RORA: variants seen among roughly 807,000 people sequenced by gnomAD.
RORA encodes the protein nuclear receptor ROR-alpha.
In RORA, 7 loss-of-function variants were observed where a neutral mutation model predicts 69.5. The observed-to-expected ratio is 0.10, with a 90% CI of 0.06 to 0.19. RORA has a LOEUF of 0.19. RORA is among the 10% of genes least tolerant of loss of function. RORA has a pLI of 1.00. For synonymous variants in RORA, 261 were observed against 240.8 expected (o/e 1.08, Z -0.78); for missense variants, 457 against 663.0 (o/e 0.69, Z 3.41).
intron 1 of RORA, among the ~76,000 whole-genome samples, chr15:60,949,923 T>G (rs1183730074): frequency 6.6e-6 from 1 of 152,176 alleles, no homozygotes; most frequent in African/African-American, 2.4e-5. Flanking sequence ...GGCTAGAAAC[T>G]GAATCTTAAA....
At chr15:61,123,934 A>G (rs2079122988) in intron 1 of RORA, among the ~76,000 whole-genome samples, 1 of 152,180 alleles carries the variant, frequency 6.6e-6, no homozygotes, top group South Asian at 2.1e-4. Flanking sequence ...CACCGGAGCA[A>G]TTCACTTCAG....
intron 2 of RORA, among the ~76,000 whole-genome samples, chr15:60,584,891 C>G (rs903305656): frequency 1.3e-5 from 2 of 152,180 alleles, no homozygotes; most frequent in African/African-American, 4.8e-5. Flanking sequence ...CAAGTCTTCA[C>G]TTCTGAACCA....
At chr15:61,059,995 GAAGAAGAAGAAGAAGAAGAAGAAGAA>G (rs1566968794) in intron 1 of RORA, among the ~76,000 whole-genome samples, 3,548 of 108,532 alleles carry the variant, frequency 0.033, 111 homozygotes, top group East Asian at 0.14. Context: ...AGAGGAAGAA[GAAGAAGAAGAAGAAGAAGAAGAAGAA>G]GAAGAAGAAG....
chr15:60,585,289 A>G (rs1173120276), intron 2 of RORA, among the ~76,000 whole-genome samples: 1 of 152,224 alleles, frequency 6.6e-6, no homozygotes, highest in South Asian at 2.1e-4. Context: ...TGTATTATCT[A>G]TTTATCCTAA....
chr15:60,696,136 A>G (rs796606208), intron 1 of RORA, among the ~76,000 whole-genome samples: 21 of 152,328 alleles, frequency 1.4e-4, no homozygotes, highest in African/African-American at 4.6e-4. Context: ...CAACTTTTCT[A>G]TGAGCACTTT....
chr15:60,658,161 G>T (rs28550629), intron 2 of RORA, among the ~76,000 whole-genome samples: 23,005 of 151,560 alleles, frequency 0.15, 1,810 homozygotes, highest in East Asian at 0.22. Context: ...GATCACTGCA[G>T]CCTCTGCCTC....
chr15:60,585,942 T>C (rs2068322064), intron 2 of RORA, among the ~76,000 whole-genome samples: 1 of 152,206 alleles, frequency 6.6e-6, no homozygotes, highest in Non-Finnish European at 1.5e-5. Context: ...ACTGGCACCA[T>C]TATGGGTTTA....
chr15:61,017,372 T>C (rs1223266068), intron 1 of RORA, among the ~76,000 whole-genome samples: 1 of 152,236 alleles, frequency 6.6e-6, no homozygotes, highest in Non-Finnish European at 1.5e-5. Context: ...ATGTATGCAA[T>C]GTTATCTTTA....
At position 60,495,137 on chromosome 15, in the gene RORA, AC is replaced by A. The variant is rs2065135609; in HGVS notation, c.*2317del. 1 of 152,216 alleles carries A rather than the reference AC, an allele frequency of 6.6e-6. No individual in the cohort carries two copies. The highest frequency in any genetic ancestry group is 2.4e-5 in the African/African-American group (1 of 41,458). 9.4% of individuals were successfully genotyped at this position (152,216 alleles called of 1,614,324 possible). A position where few individuals can be genotyped will look rare whatever the true frequency, so the allele number is the denominator to read the frequency against. On this transcript the variant is annotated 3_prime_UTR_variant, in exon 11 of 11. Transcript: ENST00000335670. Reference sequence around the variant, plus strand: ...ACTAAAACACAAAACTCAAACAAAAACAAAACACCATTTCCCCCCAGAGGAG... The same window carrying A: ...ACTAAAACACAAAACTCAAACAAAAAAAAACACCATTTCCCCCCAGAGGAG...
At chr15:60,637,038 T>C (rs1051309393) in intron 2 of RORA, among the ~76,000 whole-genome samples, 3 of 152,072 alleles carry the variant, frequency 2.0e-5, no homozygotes, top group Admixed American at 2.0e-4. Context: ...TAAATAAACA[T>C]GGTTTTTGTG....
At chr15:60,800,093 G>T (rs1358207303) in intron 1 of RORA, among the ~76,000 whole-genome samples, 2 of 152,192 alleles carry the variant, frequency 1.3e-5, no homozygotes, top group East Asian at 3.8e-4. Flanking sequence ...CCCTCACGTT[G>T]GTTGCCCAAA....
chr15:60,586,718 G>T (rs190173134), intron 2 of RORA, among the ~76,000 whole-genome samples: 5 of 152,206 alleles, frequency 3.3e-5, no homozygotes. Flanking sequence ...TAACTACTTG[G>T]CAGAAATATT....
rs531966742 is a variant in RORA, at chr15:60,793,586, T to C, written c.167-114900A>G. Among the ~76,000 whole-genome samples, 34 of 152,296 alleles carry C rather than the reference T, an allele frequency of 2.2e-4. No homozygotes were observed. The South Asian group carries it at 2.5e-3, about 11-fold the overall frequency. On this transcript the variant is annotated intron_variant, in intron 1 of 10. Coordinates refer to ENST00000335670, the MANE Select transcript of RORA (RefSeq NM_134261.3). ...CACCAAGGAACTACATTAAACCATA[T>C]CAGAATGTGCTTAGTCAAGTGCGAA... is the stretch of plus-strand genomic sequence containing the variant.
At position 60,893,708 on chromosome 15, in the gene RORA, A is replaced by C. The variant is rs549841226; in HGVS notation, c.167-215022T>G. Among the ~76,000 whole-genome samples the C allele has an allele frequency of 9.4e-4, 143 of 152,320 alleles. 1 individual carries two copies. The highest frequency in any genetic ancestry group is 2.2e-3 in the Admixed American group (34 of 15,304). On this transcript the variant is annotated intron_variant, in intron 1 of 10. Transcript: ENST00000335670. ...TGGGTGACAAAGCCTCTAGGGGATC[A>C]ATAAATTCAGCTGCTCCTGTGTACA...
chr15:60,860,174 T>C (rs747131517), intron 1 of RORA, among the ~76,000 whole-genome samples: 1 of 152,198 alleles, frequency 6.6e-6, no homozygotes, highest in Non-Finnish European at 1.5e-5. Flanking sequence ...ATGAGTCAAG[T>C]TCAGATGACC....
intron 1 of RORA, among the ~76,000 whole-genome samples, chr15:60,870,121 T>G (rs912040736): frequency 3.9e-5 from 6 of 152,228 alleles, no homozygotes; most frequent in African/African-American, 1.4e-4. Flanking sequence ...CAGTCATAAG[T>G]TAATGAGCAA....
chr15:61,194,516 C>T (rs1233825110), intron 1 of RORA, among the ~76,000 whole-genome samples: 1 of 146,844 alleles, frequency 6.8e-6, no homozygotes, highest in African/African-American at 2.5e-5. Flanking sequence ...TGAGCTAAGA[C>T]TGTGCCACTG....
intron 1 of RORA, among the ~76,000 whole-genome samples, chr15:60,739,081 T>C (rs766611797): frequency 3.9e-5 from 6 of 152,216 alleles, no homozygotes; most frequent in Non-Finnish European, 5.9e-5. Context: ...TCCAAGGTAC[T>C]GGGGATTATG....
At chr15:60,517,985 G>A (rs2066022366) in intron 3 of RORA, among the ~76,000 whole-genome samples, 1 of 152,054 alleles carries the variant, frequency 6.6e-6, no homozygotes, top group Non-Finnish European at 1.5e-5. Flanking sequence ...TTTCCACCTT[G>A]CATATTTCTT....
Sources: allele counts gnomAD v4.1 joint callset (sites outside exome capture counted in the v4.1 genomes callset), GRCh38; gene constraint gnomAD v4.1.1; transcripts MANE v1.5; gene names NCBI Gene and HGNC (gene_info 2026-07-23, HGNC 2026-07-21).